RBL1: variants seen among roughly 807,000 people sequenced by gnomAD.
The protein encoded by RBL1 is RB transcriptional corepressor like 1.
RBL1 carries 82 observed loss-of-function variants against 123.0 expected under a neutral mutation model. The ratio of observed to expected loss-of-function variants is 0.67; its 90% CI spans 0.56 to 0.80. The LOEUF (loss-of-function observed/expected upper bound fraction) is 0.80. Ranked by LOEUF, RBL1 falls within the 30% of genes least tolerant of loss-of-function variation. The probability of loss-of-function intolerance (pLI) is 0.00; values close to 1 mark genes in which losing one functional copy is unlikely to be tolerated. For synonymous variants in RBL1, 405 were observed against 441.3 expected (o/e 0.92, Z 1.03); for missense variants, 1,171 against 1,299.6 (o/e 0.90, Z 1.52).
intron 2 of RBL1, among the ~76,000 whole-genome samples, chr20:37,070,439 C>G (rs570343649): frequency 6.6e-6 from 1 of 151,664 alleles, no homozygotes; most frequent in South Asian, 2.1e-4. Flanking sequence ...AAATCCCCCT[C>G]TGTGAGAAAC....
intron 2 of RBL1, among the ~76,000 whole-genome samples, chr20:37,088,509 A>T (rs919562997): frequency 6.6e-6 from 1 of 152,130 alleles, no homozygotes; most frequent in African/African-American, 2.4e-5. Context: ...GAATTTGAGA[A>T]AGGCAGAGAA....
chr20:37,030,924 T>C (rs1174944735), intron 16 of RBL1, among the ~76,000 whole-genome samples: 1 of 150,760 alleles, frequency 6.6e-6, no homozygotes. Flanking sequence ...CACATGCCTG[T>C]AGTCCTAGCT....
At position 37,044,094 on chromosome 20, in the gene RBL1, A is replaced by G; in HGVS notation, c.1762T>C (p.Cys588Arg). ...LQVSANKVPTCEEVIFPNNFE... is the reference protein window; with the variant it reads ...LQVSANKVPTREEVIFPNNFE... The stretch of plus-strand genomic sequence containing the variant: ...GCCTTGCCCAGACTCACTTCTTCAC[A>G]GGTAGGAACTTTGTTTGCAGAAACC... The change falls in exon 13 of 22, where the codon TGT becomes CGT. Residue 588 changes from cysteine to arginine, a missense_variant. Physicochemically the swap from Cys to Arg is radical, Grantham distance 180 (BLOSUM62 -3). Coordinates refer to ENST00000373664, the MANE Select transcript of RBL1 (RefSeq NM_002895.5). 1.3e-6 allele frequency: 2 copies of G among 1,599,114 alleles called. No individual in the cohort carries two copies. Among genetic ancestry groups the G allele is most frequent in the South Asian group, 1.1e-5 (1 of 89,142 alleles).
rs775786158 is a variant in RBL1, at chr20:37,095,920, C to G, written c.9G>C (p.Glu3Asp). 1 of 1,587,146 alleles carries G rather than the reference C, an allele frequency of 6.3e-7. No homozygotes were observed. The highest frequency in any genetic ancestry group is 8.6e-7 in the Non-Finnish European group (1 of 1,167,044). ...CCGCCCCCTCAGCGTGGGGCTTGTC[C>G]TCGAACATCCCTTCAGGCCCCGCGG... MF[E>D]DKPHAEGAAV... is the part of the protein sequence containing the mutation. Residue 3 changes from glutamate to aspartate, a missense_variant, in exon 1 of 22, where the codon GAG becomes GAC. Glu to Asp is a conservative substitution (Grantham distance 45, BLOSUM62 2). Transcript: ENST00000373664.
Position 37,000,496 on chromosome 20 carries a change from G to A in RBL1, c.3037-1567C>T, listed in dbSNP as rs1194591757. Reference sequence around the variant, plus strand: ...GGTCAGCCCCCCCGCCCGGCCAGCCGCCCCGTCCGGGAGGTGAGGGGCGCC... The same window carrying A: ...GGTCAGCCCCCCCGCCCGGCCAGCCACCCCGTCCGGGAGGTGAGGGGCGCC... On this transcript the variant is annotated intron_variant, in intron 21 of 21. Coordinates refer to ENST00000373664, the MANE Select transcript of RBL1 (RefSeq NM_002895.5). Among the ~76,000 whole-genome samples, 65 of 141,060 alleles carry A rather than the reference G, an allele frequency of 4.6e-4. 2 individuals are homozygous for A. The East Asian group carries it at 0.011, about 24-fold the overall frequency. 92.5% of individuals were successfully genotyped at this position (141,060 alleles called of 152,430 possible).
At chr20:37,019,004 C>A (rs1244189365) in intron 18 of RBL1, among the ~76,000 whole-genome samples, 1 of 151,890 alleles carries the variant, frequency 6.6e-6, no homozygotes, top group Non-Finnish European at 1.5e-5. Context: ...ATTAATTCCT[C>A]CTTCTTCTTA....
intron 2 of RBL1, among the ~76,000 whole-genome samples, chr20:37,081,135 T>C (rs2146325059): frequency 6.6e-6 from 1 of 152,334 alleles, no homozygotes; most frequent in East Asian, 1.9e-4. Flanking sequence ...GGGACAGTCA[T>C]GTAGTCTGAA....
chr20:37,095,767 G>C lies in RBL1; in HGVS notation c.156+6C>G. 6.3e-7 allele frequency: 1 copy of C among 1,583,474 alleles called. No individual in the cohort carries two copies. The highest frequency in any genetic ancestry group is 1.1e-5 in the South Asian group (1 of 88,602). ...GGGTCCGGCCGCCCCACCTGCTGCC[G>C]CTCACCTCTAGGCTGTAGTTGCCTC... On this transcript the variant is annotated splice_donor_region_variant and intron_variant, in intron 1 of 21. Transcript: ENST00000373664.
chr20:37,083,124 T>C (rs1373460496), intron 2 of RBL1, among the ~76,000 whole-genome samples: 1 of 152,208 alleles, frequency 6.6e-6, no homozygotes, highest in Non-Finnish European at 1.5e-5. Context: ...AATGAACACA[T>C]TGATGCTGGG....
At chr20:37,056,317 A>T in intron 9 of RBL1, 59 bp from the exon 10 acceptor site, 1 of 1,448,290 alleles carries the variant, frequency 6.9e-7, no homozygotes, top group Non-Finnish European at 9.1e-7. Flanking sequence ...AACAAAAAAG[A>T]CTCCACACCA....
intron 19 of RBL1, among the ~76,000 whole-genome samples, chr20:37,017,620 T>TGTGTGTGTGTGTGTGTGTGTGTG (rs1600471145): frequency 7.2e-6 from 1 of 139,722 alleles, no homozygotes; most frequent in African/African-American, 2.8e-5. Context: ...GGACATTTTC[T>TGTGTGTGTGTGTGTGTGTGTGTG]TGTGTGTGTG....
At chr20:37,091,420 G>A (rs2065644791) in intron 1 of RBL1, among the ~76,000 whole-genome samples, 1 of 151,818 alleles carries the variant, frequency 6.6e-6, no homozygotes, top group East Asian at 1.9e-4. Context: ...CGTAACCCCA[G>A]CACTTTGGGA....
chr20:37,056,813 TGTAA>T (rs1244105293), intron 9 of RBL1, among the ~76,000 whole-genome samples: 1 of 152,232 alleles, frequency 6.6e-6, no homozygotes, highest in Non-Finnish European at 1.5e-5. Context: ...ACTTTGCTGC[TGTAA>T]GTTTGACTAT....
intron 15 of RBL1, 119 bp from the exon 16 acceptor site, chr20:37,032,995 TA>T: frequency 7.3e-7 from 1 of 1,371,432 alleles, no homozygotes; most frequent in Non-Finnish European, 9.6e-7. Flanking sequence ...TACAAAATAG[TA>T]ATTCTAGGTT....
At chr20:37,083,760 G>A (rs1296260690) in intron 2 of RBL1, among the ~76,000 whole-genome samples, 3 of 149,330 alleles carry the variant, frequency 2.0e-5, no homozygotes, top group Non-Finnish European at 4.5e-5. Context: ...AGCAGAGACC[G>A]TGCATTGCAC....
chr20:37,035,583 G>C (rs1395298175), intron 14 of RBL1, 75 bp from the exon 15 acceptor site: 1 of 1,257,892 alleles, frequency 7.9e-7, no homozygotes, highest in African/African-American at 1.5e-5. Flanking sequence ...TCACTCAACA[G>C]ATAGTGAGTT....
chr20:37,031,742 T>A (rs992562139), intron 16 of RBL1, among the ~76,000 whole-genome samples: 5 of 151,196 alleles, frequency 3.3e-5, no homozygotes, highest in Non-Finnish European at 5.9e-5. Flanking sequence ...TTTGTTGCTA[T>A]TTTTTTTTCT....
intron 2 of RBL1, among the ~76,000 whole-genome samples, chr20:37,083,830 A>T (rs779206046): frequency 6.6e-6 from 1 of 151,806 alleles, no homozygotes; most frequent in Non-Finnish European, 1.5e-5. Flanking sequence ...TTTGGGGGAA[A>T]GGGACTTTGA....
chr20:37,072,586 C>G (rs1389365031), intron 2 of RBL1, among the ~76,000 whole-genome samples: 1 of 152,166 alleles, frequency 6.6e-6, no homozygotes, highest in Admixed American at 6.5e-5. Context: ...CACTTTTGAG[C>G]CTTGTCTACC....
Sources: gnomAD v4.1 joint callset for allele counts (sites outside exome capture counted in the v4.1 genomes callset) on GRCh38, gnomAD v4.1.1 for gene constraint, MANE v1.5 for transcripts, NCBI Gene and HGNC (gene_info 2026-07-23, HGNC 2026-07-21) for gene names.